Variants in NDRG1 observed in about 807,000 individuals in gnomAD.
NDRG1 encodes the protein protein NDRG1.
Under a neutral mutation model 56.9 loss-of-function variants are expected in NDRG1, and 32 were observed. The ratio of observed to expected loss-of-function variants is 0.56; its 90% CI spans 0.42 to 0.76. The LOEUF (loss-of-function observed/expected upper bound fraction) is 0.76, where lower values mean the gene tolerates loss of function less well. NDRG1 is among the 30% of genes least tolerant of loss of function. The pLI is 0.00. For synonymous variants in NDRG1, 211 were observed against 204.1 expected (o/e 1.03, Z -0.29); for missense variants, 507 against 545.7 (o/e 0.93, Z 0.71).
chr8:133,244,892 C>T (rs1367367643), intron 13 of NDRG1, among the ~76,000 whole-genome samples: 1 of 152,188 alleles, frequency 6.6e-6, no homozygotes, highest in African/African-American at 2.4e-5. Context: ...CGTTCAAAGT[C>T]CCTGTGAAAT....
intron 9 of NDRG1, 21 bp from the exon 10 acceptor site, chr8:133,250,564 A>C (rs781274327): frequency 6.2e-7 from 1 of 1,602,840 alleles, no homozygotes; most frequent in South Asian, 1.1e-5. Context: ...AGAGGTGAGA[A>C]GATGGTCCTC....
intron 3 of NDRG1, among the ~76,000 whole-genome samples, chr8:133,275,033 C>A (rs1263922571): frequency 6.6e-6 from 1 of 152,202 alleles, no homozygotes; most frequent in Non-Finnish European, 1.5e-5. Context: ...TCAGATTATG[C>A]TGACCAGTCC....
chr8:133,296,407 C>T (rs1045758235), intron 1 of NDRG1: 6 of 448,218 alleles, frequency 1.3e-5, no homozygotes, highest in African/African-American at 2.0e-5. Flanking sequence ...TCCGGGGGCG[C>T]ACCCTGCCCA....
intron 1 of NDRG1, among the ~76,000 whole-genome samples, chr8:133,295,059 C>A (rs1046063342): frequency 2.6e-5 from 4 of 152,150 alleles, no homozygotes; most frequent in Admixed American, 2.0e-4. Context: ...TTTTTTATTC[C>A]ATTCCAAATG....
At chr8:133,284,471 T>A in intron 1 of NDRG1, 142 bp from the exon 2 acceptor site, 1 of 722,504 alleles carries the variant, frequency 1.4e-6, no homozygotes, top group South Asian at 1.6e-5. Flanking sequence ...CTGCAGGGGA[T>A]GAGGAGGTCC....
intron 1 of NDRG1, among the ~76,000 whole-genome samples, chr8:133,285,714 A>G (rs1175682590): frequency 6.6e-6 from 1 of 152,210 alleles, no homozygotes. Flanking sequence ...GATTTTCCCC[A>G]GTAGATAACC....
intron 10 of NDRG1, among the ~76,000 whole-genome samples, chr8:133,249,868 C>G (rs778548461): frequency 6.6e-6 from 1 of 152,212 alleles, no homozygotes; most frequent in Non-Finnish European, 1.5e-5. Flanking sequence ...CGTGGCAGAG[C>G]GAGCTCAGCA....
chr8:133,273,186 T>C (rs913795339), intron 3 of NDRG1, among the ~76,000 whole-genome samples: 2 of 152,170 alleles, frequency 1.3e-5, no homozygotes, highest in Non-Finnish European at 1.5e-5. Context: ...CAGATTCCCA[T>C]GGAAACCAAA....
chr8:133,275,983 C>T (rs1406357838), intron 3 of NDRG1, among the ~76,000 whole-genome samples: 6 of 152,202 alleles, frequency 3.9e-5, no homozygotes, highest in Non-Finnish European at 8.8e-5. Flanking sequence ...ATCCCCAGCA[C>T]CTAAACTAAT....
intron 15 of NDRG1, chr8:133,239,978 C>G (rs889182857): frequency 1.3e-5 from 2 of 152,176 alleles, no homozygotes; most frequent in Non-Finnish European, 2.9e-5. Flanking sequence ...CAGGGATATG[C>G]AGGGGAGAAG....
At chr8:133,256,059 C>CCAGGGGCACGGGTGGT (rs1292435803) in intron 8 of NDRG1, 20 of 152,952 alleles carry the variant, frequency 1.3e-4, no homozygotes. Flanking sequence ...GACAGGAGCC[C>CCAGGGGCACGGGTGGT]CAGGGGCACG....
intron 9 of NDRG1, 63 bp downstream of exon 9, chr8:133,254,476 G>T: frequency 6.9e-6 from 11 of 1,583,992 alleles, no homozygotes; most frequent in Non-Finnish European, 9.5e-6. Context: ...GGGGCCCTGT[G>T]CTGAGCACCA....
At chr8:133,269,078 C>A (rs1482099200) in intron 3 of NDRG1, among the ~76,000 whole-genome samples, 2 of 152,186 alleles carry the variant, frequency 1.3e-5, no homozygotes, top group East Asian at 3.8e-4. Context: ...GAGAGAGGAA[C>A]CCATCCCGTG....
intron 14 of NDRG1, among the ~76,000 whole-genome samples, chr8:133,243,630 A>G (rs973643706): frequency 2.6e-5 from 4 of 152,292 alleles, no homozygotes; most frequent in African/African-American, 7.2e-5. Flanking sequence ...AATTCTTTTA[A>G]TTATGACCAG....
intron 3 of NDRG1, among the ~76,000 whole-genome samples, chr8:133,269,918 A>C (rs1857108699): frequency 6.6e-6 from 1 of 152,206 alleles, no homozygotes; most frequent in African/African-American, 2.4e-5. Context: ...CCCAAACTGC[A>C]CGCATGTGTG....
At chr8:133,264,917 C>T in intron 3 of NDRG1, 2 of 516,302 alleles carry the variant, frequency 3.9e-6, no homozygotes. Context: ...AAGGGCTTGC[C>T]CGCCACCATC....
In NDRG1 at chr8:133,258,388, G is replaced by A; in HGVS notation, c.428C>T (p.Ala143Val). 4 of 1,612,296 alleles carry A rather than the reference G, an allele frequency of 2.5e-6. No individual in the cohort carries two copies. The highest frequency in any genetic ancestry group is 3.4e-6 in the Non-Finnish European group (4 of 1,179,266). ...SIIGMGTGAG[A>V]YILTRFALNN... Reference sequence around the variant, plus strand: ...CACAGCAAATCGAGTTAGGATGTAGGCGCCTGCTCCTGTTCCCATGCCAAT... The same window carrying A: ...CACAGCAAATCGAGTTAGGATGTAGACGCCTGCTCCTGTTCCCATGCCAAT... The change falls in exon 7 of 16, where the codon GCC becomes GTC. Residue 143 changes from alanine (A) to valine (V), a missense_variant. Transcript: ENST00000323851.
At chr8:133,266,610 C>T (rs1207735707) in intron 3 of NDRG1, among the ~76,000 whole-genome samples, 2 of 152,122 alleles carry the variant, frequency 1.3e-5, no homozygotes, top group East Asian at 1.9e-4. Context: ...TGAAGTGGTA[C>T]GAGGCAGCCA....
At chr8:133,239,492 C>A (rs115570825) in intron 15 of NDRG1, 420 of 386,928 alleles carry the variant, frequency 1.1e-3, no homozygotes, top group African/African-American at 8.0e-3. Flanking sequence ...GTGTGTACGC[C>A]CATGACCCCA....
Sources: allele counts gnomAD v4.1 joint callset (sites outside exome capture counted in the v4.1 genomes callset), GRCh38; gene constraint gnomAD v4.1.1; transcripts MANE v1.5; gene names NCBI Gene and HGNC (gene_info 2026-07-23, HGNC 2026-07-21).